LRRC4C: variants seen among roughly 807,000 people sequenced by gnomAD.
LRRC4C encodes leucine rich repeat containing 4C.
LRRC4C carries 5 observed loss-of-function variants against 33.6 expected under a neutral mutation model. That is an observed-to-expected ratio of 0.15 (90% CI 0.08 to 0.31). The LOEUF is 0.31. Ranked by LOEUF, LRRC4C falls within the 10% of genes least tolerant of loss-of-function variation. The pLI, the probability that LRRC4C is intolerant of heterozygous loss-of-function variation, is 1.00. For synonymous variants in LRRC4C, 329 were observed against 302.0 expected (o/e 1.09, Z -0.93); for missense variants, 560 against 796.7 (o/e 0.70, Z 3.58).
chr11:40,349,784 A>C (rs1180927334), intron 3 of LRRC4C, among the ~76,000 whole-genome samples: 1 of 152,082 alleles, frequency 6.6e-6, no homozygotes. Context: ...ATGAGATGAT[A>C]CCTCATTGTA....
intron 3 of LRRC4C, among the ~76,000 whole-genome samples, chr11:40,507,950 G>C (rs1170338928): frequency 6.6e-6 from 1 of 151,992 alleles, no homozygotes; most frequent in Non-Finnish European, 1.5e-5. Flanking sequence ...TGTTGGCCAG[G>C]CTGATTTCAA....
intron 5 of LRRC4C, among the ~76,000 whole-genome samples, chr11:40,232,981 C>A (rs1865308789): frequency 6.6e-6 from 1 of 152,188 alleles, no homozygotes; most frequent in Admixed American, 6.5e-5. Flanking sequence ...GAATATTTTA[C>A]ATGCTTTAGA....
At chr11:40,449,631 A>T (rs1457981517) in intron 3 of LRRC4C, among the ~76,000 whole-genome samples, 1 of 152,134 alleles carries the variant, frequency 6.6e-6, no homozygotes, top group South Asian at 2.1e-4. Flanking sequence ...GTTGTTTATG[A>T]CTTGCAATTA....
chr11:41,147,868 T>C lies in LRRC4C; in HGVS notation c.-495-214145A>G, dbSNP rs188358663. On this transcript the variant is annotated intron_variant, in intron 1 of 6. Transcript: ENST00000528697. ...ACTTTGGGAGGCTGAGGCAGGAGGATTGTTTGATCCAGGAGTCCAAGACCA... is the reference window on the plus strand; with the variant it reads ...ACTTTGGGAGGCTGAGGCAGGAGGACTGTTTGATCCAGGAGTCCAAGACCA... 1.6e-4 allele frequency among the ~76,000 whole-genome samples: 25 copies of C among 152,144 alleles called. No individual in the cohort carries two copies. The East Asian group carries it at 4.7e-3, about 28-fold the overall frequency.
At chr11:40,949,139 C>T (rs1477229677) in intron 1 of LRRC4C, among the ~76,000 whole-genome samples, 9 of 151,994 alleles carry the variant, frequency 5.9e-5, no homozygotes, top group South Asian at 2.1e-4. Flanking sequence ...CATTTTTTCA[C>T]GTGTTTTTTG....
chr11:40,439,599 G>A (rs187338015), intron 3 of LRRC4C, among the ~76,000 whole-genome samples: 19 of 151,828 alleles, frequency 1.3e-4, no homozygotes, highest in East Asian at 7.8e-4. Flanking sequence ...GATTACAAGC[G>A]TGTACCACTA....
intron 2 of LRRC4C, among the ~76,000 whole-genome samples, chr11:40,846,798 T>C (rs1319696097): frequency 1.3e-5 from 2 of 152,214 alleles, no homozygotes; most frequent in Non-Finnish European, 2.9e-5. Flanking sequence ...GAGAATGGAA[T>C]GTTTTTCCAT....
At chr11:40,964,902 G>A (rs1462364250) in intron 1 of LRRC4C, among the ~76,000 whole-genome samples, 2 of 151,880 alleles carry the variant, frequency 1.3e-5, no homozygotes, top group African/African-American at 4.8e-5. Context: ...AGGATGGCTG[G>A]GTCAAATGGT....
At chr11:41,047,887 C>T (rs964412461) in intron 1 of LRRC4C, among the ~76,000 whole-genome samples, 1 of 152,094 alleles carries the variant, frequency 6.6e-6, no homozygotes, top group Non-Finnish European at 1.5e-5. Flanking sequence ...CACATCCTAT[C>T]CTTCTTTGCT....
At chr11:40,961,057 C>A (rs1458912867) in intron 1 of LRRC4C, among the ~76,000 whole-genome samples, 1 of 151,658 alleles carries the variant, frequency 6.6e-6, no homozygotes, top group African/African-American at 2.4e-5. Flanking sequence ...GTTGATTAAA[C>A]CTGCCTTTTC....
At chr11:41,286,110 T>C (rs1416637685) in intron 1 of LRRC4C, among the ~76,000 whole-genome samples, 1 of 152,178 alleles carries the variant, frequency 6.6e-6, no homozygotes, top group Admixed American at 6.5e-5. Context: ...ATTACAGGCG[T>C]GAGCCACCAC....
chr11:40,426,066 T>TGG (rs1950703571), intron 3 of LRRC4C, among the ~76,000 whole-genome samples: 1 of 148,730 alleles, frequency 6.7e-6, no homozygotes. Context: ...CAGACTGGAG[T>TGG]GCAGTGGCGC....
At chr11:41,242,021 G>C (rs1565510613) in intron 1 of LRRC4C, among the ~76,000 whole-genome samples, 1 of 152,044 alleles carries the variant, frequency 6.6e-6, no homozygotes, top group Non-Finnish European at 1.5e-5. Flanking sequence ...TGTGTGAATT[G>C]TCTAGTCCTA....
intron 1 of LRRC4C, among the ~76,000 whole-genome samples, chr11:40,977,950 A>G (rs894424635): frequency 2.6e-5 from 4 of 152,226 alleles, no homozygotes; most frequent in African/African-American, 9.6e-5. Context: ...ACGTACAGAC[A>G]TAAAAGGCAA....
At chr11:40,931,367 C>T (rs989755116) in intron 2 of LRRC4C, among the ~76,000 whole-genome samples, 46 of 152,132 alleles carry the variant, frequency 3.0e-4, no homozygotes, top group African/African-American at 1.0e-3. Flanking sequence ...AATGACTATT[C>T]GTTTATATAG....
rs149419260 is a variant in LRRC4C, at chr11:40,674,686, T to G, written c.-406-26408A>C. On this transcript the variant is annotated intron_variant, in intron 2 of 6. Coordinates refer to ENST00000528697, the MANE Select transcript of LRRC4C (RefSeq NM_001258419.2). ...TATTTATAAATCGTGATGTTCTCTA[T>G]GAGCTTCCATGCCAAAACTGTTTAA... Among the ~76,000 whole-genome samples, 346 of 152,298 alleles carry G rather than the reference T, an allele frequency of 2.3e-3. 12 individuals carry two copies. The East Asian group carries it at 0.062, about 27-fold the overall frequency.
chr11:40,538,234 T>C (rs1279623768), intron 3 of LRRC4C, among the ~76,000 whole-genome samples: 1 of 152,132 alleles, frequency 6.6e-6, no homozygotes, highest in Non-Finnish European at 1.5e-5. Flanking sequence ...AGTAATTCTT[T>C]AAGCAGCAGC....
chr11:40,679,996 G>A (rs117718281), intron 2 of LRRC4C, among the ~76,000 whole-genome samples: 2 of 152,144 alleles, frequency 1.3e-5, no homozygotes, highest in East Asian at 1.9e-4. Flanking sequence ...CTATTAGGGG[G>A]GATATACCTT....
intron 1 of LRRC4C, among the ~76,000 whole-genome samples, chr11:41,024,181 C>T (rs1236791556): frequency 2.6e-5 from 4 of 151,620 alleles, no homozygotes; most frequent in African/African-American, 9.7e-5. Context: ...TTCCTCAACA[C>T]TCTGTGTAAA....
Sources: allele counts gnomAD v4.1 joint callset (sites outside exome capture counted in the v4.1 genomes callset), GRCh38; gene constraint gnomAD v4.1.1; transcripts MANE v1.5; gene names NCBI Gene and HGNC (gene_info 2026-07-23, HGNC 2026-07-21).